GTF2I: variants seen among roughly 807,000 people sequenced by gnomAD.
GTF2I encodes general transcription factor IIi, also known as general transcription factor II-I.
Under a neutral mutation model 67.6 loss-of-function variants are expected in GTF2I, and 12 were observed. That is an observed-to-expected ratio of 0.18 (90% CI 0.11 to 0.29). GTF2I has a LOEUF of 0.29. Among genes scored for constraint, GTF2I ranks in the 10% least tolerant of loss-of-function variants. The pLI, the probability that GTF2I is intolerant of heterozygous loss-of-function variation, is 1.00. For synonymous variants in GTF2I, 149 were observed against 197.0 expected (o/e 0.76, Z 2.04); for missense variants, 271 against 580.1 (o/e 0.47, Z 5.47).
intron 1 of GTF2I, among the ~76,000 whole-genome samples, chr7:74,659,733 G>T (rs1264037934): frequency 2.6e-5 from 4 of 151,962 alleles, no homozygotes; most frequent in African/African-American, 9.7e-5. Context: ...TTTAGAGATG[G>T]GGTCTTCTTG....
In GTF2I at chr7:74,662,511, C is replaced by CTTTTTTTTTTTTTTT. The variant is rs1161320476; in HGVS notation, c.-6+4458_-6+4472dup. ...AGGCGTGAGCCACTGCACCTGGACC[C>CTTTTTTTTTTTTTTT]TTTTTTTTTTTTTTTTTTTTTTTTT... On this transcript the variant is annotated intron_variant, in intron 1 of 34. Coordinates refer to ENST00000573035, the MANE Select transcript of GTF2I (RefSeq NM_032999.4). Among the ~76,000 whole-genome samples the CTTTTTTTTTTTTTTT allele has an allele frequency of 1.8e-4, 9 of 50,220 alleles. 1 individual carries two copies. Among genetic ancestry groups the CTTTTTTTTTTTTTTT allele is most frequent in the Admixed American group, 3.4e-4 (1 of 2,972 alleles). The allele number at this position is 50,220 out of a possible 152,430, so 32.9% of individuals were successfully genotyped here. A position where few individuals can be genotyped will look rare whatever the true frequency, so the allele number is the denominator to read the frequency against.
chr7:74,683,127 C>T (rs782627963), intron 1 of GTF2I, among the ~76,000 whole-genome samples: 1 of 152,072 alleles, frequency 6.6e-6, no homozygotes, highest in African/African-American at 2.4e-5. Context: ...TTTTCCACAT[C>T]GAAGGATACC....
At chr7:74,732,122 T>C (rs1247221310) in intron 14 of GTF2I, among the ~76,000 whole-genome samples, 3 of 146,548 alleles carry the variant, frequency 2.0e-5, no homozygotes, top group Non-Finnish European at 3.0e-5. Context: ...TATATATGTA[T>C]ATATACATAT....
chr7:74,684,116 C>A (rs1295575937), intron 1 of GTF2I, among the ~76,000 whole-genome samples: 1 of 152,140 alleles, frequency 6.6e-6, no homozygotes, highest in Non-Finnish European at 1.5e-5. Context: ...TCTGGAGCAC[C>A]ACCTCCATCA....
chr7:74,657,794 G>GGCCGCCCGCCT lies in GTF2I; in HGVS notation c.-274_-264dup, dbSNP rs1804044155. ...TTCCCCGCACGCGCTCTCCAGCCGC[G>GGCCGCCCGCCT]GCCGCCCGCCTGCCGCGGTCACCCC... is the stretch of plus-strand genomic sequence containing the variant. On this transcript the variant is annotated 5_prime_UTR_variant, in exon 1 of 35. Transcript: ENST00000573035. 2 of 151,492 alleles carry GGCCGCCCGCCT rather than the reference G, an allele frequency of 1.3e-5. No individual in the cohort carries two copies. The highest frequency in any genetic ancestry group is 2.9e-5 in the Non-Finnish European group (2 of 68,252). 9.4% of individuals were successfully genotyped at this position (151,492 alleles called of 1,614,324 possible).
chr7:74,724,670 C>T (rs782451812), intron 12 of GTF2I, among the ~76,000 whole-genome samples: 4 of 152,066 alleles, frequency 2.6e-5, no homozygotes, highest in African/African-American at 4.8e-5. Context: ...GGTGTAATCC[C>T]AGCACTTTGG....
chr7:74,714,702 T>C (rs1792033620), intron 9 of GTF2I, among the ~76,000 whole-genome samples, 155 bp from the exon 10 acceptor site: 1 of 152,040 alleles, frequency 6.6e-6, no homozygotes, highest in Non-Finnish European at 1.5e-5. Context: ...TAAATTGACA[T>C]TGCTCATCTT....
chr7:74,727,549 C>T (rs1352222274), intron 12 of GTF2I: 1 of 152,100 alleles, frequency 6.6e-6, no homozygotes, highest in Non-Finnish European at 1.5e-5. Context: ...ACAATTATAC[C>T]CATCTAAAAA....
intron 1 of GTF2I, among the ~76,000 whole-genome samples, chr7:74,684,208 C>T (rs1395214652): frequency 6.6e-6 from 1 of 152,162 alleles, no homozygotes; most frequent in Non-Finnish European, 1.5e-5. Flanking sequence ...TACAAGATGG[C>T]CAATAAAGCA....
intron 1 of GTF2I, among the ~76,000 whole-genome samples, chr7:74,683,581 G>C (rs1258964736): frequency 6.6e-6 from 1 of 152,138 alleles, no homozygotes; most frequent in African/African-American, 2.4e-5. Context: ...GGCCGGGTGC[G>C]GTGGCTCACG....
intron 9 of GTF2I, among the ~76,000 whole-genome samples, chr7:74,713,283 A>G (rs911692600): frequency 6.6e-6 from 1 of 152,328 alleles, no homozygotes; most frequent in Non-Finnish European, 1.5e-5. Context: ...TATAACAACC[A>G]TTAGTTTGTA....
At chr7:74,708,971 AGACT>A (rs1274551036) in intron 8 of GTF2I, among the ~76,000 whole-genome samples, 1 of 152,204 alleles carries the variant, frequency 6.6e-6, no homozygotes, top group South Asian at 2.1e-4. Flanking sequence ...CATCGCTGGG[AGACT>A]GACTGAAAAT....
chr7:74,719,771 C>G (rs112656460), intron 12 of GTF2I, among the ~76,000 whole-genome samples: 2,936 of 152,044 alleles, frequency 0.019, 32 homozygotes, highest in South Asian at 0.036. Flanking sequence ...AAATACAAAA[C>G]TAGCTGGGTG....
At position 74,687,539 on chromosome 7, in the gene GTF2I, A is replaced by G. The variant is rs1232314898; in HGVS notation, c.-5-1585A>G. ...CGCCCAGTGGATTATGGTTTTTATT[A>G]TAAAGCGCAACTTCCTAAGTATGTA... is the stretch of plus-strand genomic sequence containing the variant. On this transcript the variant is annotated intron_variant, in intron 1 of 34. Coordinates refer to ENST00000573035, the MANE Select transcript of GTF2I (RefSeq NM_032999.4). 5 of 984,780 alleles carry G rather than the reference A, an allele frequency of 5.1e-6. No individual in the cohort carries two copies. In the African/African-American group the frequency reaches 7.0e-5, roughly 14 times the overall value. 61.0% of individuals were successfully genotyped at this position (984,780 alleles called of 1,614,324 possible).
intron 9 of GTF2I, among the ~76,000 whole-genome samples, chr7:74,711,960 T>C (rs1791601051): frequency 6.6e-6 from 1 of 150,736 alleles, no homozygotes; most frequent in South Asian, 2.1e-4. Context: ...TTTTTTTTTT[T>C]TTTTTTTGAG....
intron 3 of GTF2I, among the ~76,000 whole-genome samples, chr7:74,698,328 C>T (rs1013750083): frequency 1.2e-4 from 17 of 147,754 alleles, no homozygotes; most frequent in Non-Finnish European, 1.9e-4. Context: ...TTGACCTTGT[C>T]ATCTGCCAGC....
rs1239410474 is a variant in GTF2I, at chr7:74,689,234, C to T, written c.99+7C>T. 1.3e-6 allele frequency: 2 copies of T among 1,498,326 alleles called. No homozygotes were observed. The highest frequency in any genetic ancestry group is 2.3e-5 in the East Asian group (1 of 44,294). The allele number at this position is 1,498,326 out of a possible 1,614,324, so 92.8% of individuals were successfully genotyped here. A position where few individuals can be genotyped will look rare whatever the true frequency, so the allele number is the denominator to read the frequency against. The stretch of plus-strand genomic sequence containing the variant: ...GTCAGCTCTCGAGTCCATGGTGAGG[C>T]CTTCTGTTCCATCATTCCATAGTTG... On this transcript the variant is annotated splice_region_variant and intron_variant, in intron 2 of 34. Transcript: ENST00000573035.
At chr7:74,722,005 G>A (rs1003154291) in intron 12 of GTF2I, among the ~76,000 whole-genome samples, 5 of 152,046 alleles carry the variant, frequency 3.3e-5, no homozygotes, top group South Asian at 2.1e-4. Context: ...GCTTGGAGAC[G>A]ACTTAATTTT....
At chr7:74,688,726 C>T (rs1450269668) in intron 1 of GTF2I, among the ~76,000 whole-genome samples, 3 of 152,128 alleles carry the variant, frequency 2.0e-5, no homozygotes. Context: ...GTCCACTGTA[C>T]CCACTCTTTT....
Sources: allele counts gnomAD v4.1 joint callset (sites outside exome capture counted in the v4.1 genomes callset), GRCh38; gene constraint gnomAD v4.1.1; transcripts MANE v1.5; gene names NCBI Gene and HGNC (gene_info 2026-07-23, HGNC 2026-07-21).